The following NCALD variants were observed in gnomAD, a reference collection of about 807,000 sequenced individuals.
The protein encoded by NCALD is neurocalcin delta, also known as neurocalcin-delta.
In NCALD, 10 loss-of-function variants were observed where a neutral mutation model predicts 18.6. The observed-to-expected ratio is 0.54, with a 90% CI of 0.33 to 0.91. NCALD has a LOEUF of 0.91. NCALD is among the 40% of genes least tolerant of loss of function. The probability of loss-of-function intolerance (pLI) is 0.03; values close to 1 mark genes in which losing one functional copy is unlikely to be tolerated. For missense variants in NCALD, 184 were observed against 247.6 expected, an observed-to-expected ratio of 0.74 and a Z score of 1.72; for synonymous variants, 88 against 87.4, an observed-to-expected ratio of 1.01 and a Z score of -0.04.
chr8:102,087,078 G>A (rs1173732701), intron 1 of NCALD, among the ~76,000 whole-genome samples: 2 of 152,190 alleles, frequency 1.3e-5, no homozygotes, highest in Non-Finnish European at 2.9e-5. Flanking sequence ...GCAGCCCTCA[G>A]CGCTGCTCTG....
chr8:101,884,092 T>C (rs1216359351), intron 4 of NCALD, among the ~76,000 whole-genome samples: 2 of 152,348 alleles, frequency 1.3e-5, no homozygotes, highest in Non-Finnish European at 2.9e-5. Context: ...CCAGCAATAC[T>C]AGCTTTGGCT....
intron 1 of NCALD, among the ~76,000 whole-genome samples, chr8:102,081,186 T>C (rs985456510): frequency 3.9e-5 from 6 of 152,128 alleles, no homozygotes; most frequent in Admixed American, 3.3e-4. Flanking sequence ...CTTCTCTTAT[T>C]GTGAAAAACA....
At position 102,084,618 on chromosome 8, in the gene NCALD, A is replaced by T. The variant is rs1380323749; in HGVS notation, c.-210+39619T>A. 2.6e-5 allele frequency among the ~76,000 whole-genome samples: 4 copies of T among 152,142 alleles called. No individual in the cohort carries two copies. In the East Asian group the frequency reaches 7.7e-4, roughly 29 times the overall value. ...AGCACTTGGGAGGGGCGCCACACGC[A>T]ATGTGAAATTATACACAAGCTCACT... is the stretch of plus-strand genomic sequence containing the variant. On this transcript the variant is annotated intron_variant, in intron 1 of 6. Coordinates refer to the NCALD transcript ENST00000311028.
At chr8:101,912,487 T>A (rs1216366039) in intron 3 of NCALD, among the ~76,000 whole-genome samples, 1 of 152,236 alleles carries the variant, frequency 6.6e-6, no homozygotes, top group Non-Finnish European at 1.5e-5. Flanking sequence ...GACTCCTCCA[T>A]CTTCAGATAA....
At chr8:102,123,741 C>G (rs1826015423) in intron 1 of NCALD, 1 of 152,330 alleles carries the variant, frequency 6.6e-6, no homozygotes, top group Admixed American at 6.5e-5. Context: ...TCCCCAGACG[C>G]CCACGCCCCG....
At chr8:101,788,892 T>C (rs1459981227) in intron 1 of NCALD, 1 of 152,188 alleles carries the variant, frequency 6.6e-6, no homozygotes, top group Non-Finnish European at 1.5e-5. Flanking sequence ...TATTTTCCCA[T>C]AGGAAAAGAC....
chr8:102,111,827 T>C (rs536436902), intron 1 of NCALD, among the ~76,000 whole-genome samples: 8 of 152,278 alleles, frequency 5.3e-5, no homozygotes, highest in East Asian at 1.9e-4. Flanking sequence ...ACATAAATGA[T>C]ACATACATCT....
intron 2 of NCALD, among the ~76,000 whole-genome samples, chr8:101,709,936 A>G (rs753235081): frequency 2.0e-5 from 3 of 152,270 alleles, no homozygotes; most frequent in African/African-American, 4.8e-5. Context: ...AGCCTAAATC[A>G]TGTTCCTAAA....
chr8:101,802,899 C>CA (rs34519871), intron 4 of NCALD, among the ~76,000 whole-genome samples: 50,077 of 99,514 alleles, frequency 0.5, 13,248 homozygotes, highest in East Asian at 0.74. Flanking sequence ...TGCTGCTGCT[C>CA]AAAAAAAAAA....
intron 1 of NCALD, among the ~76,000 whole-genome samples, chr8:101,731,896 A>T (rs1816849169): frequency 6.6e-6 from 1 of 152,158 alleles, no homozygotes; most frequent in Non-Finnish European, 1.5e-5. Context: ...GCCTACAGAA[A>T]CTCCAAGGCT....
rs571642361 is a variant in NCALD, at chr8:101,847,912, C to T, written c.-20+39229G>A. Among the ~76,000 whole-genome samples the T allele has an allele frequency of 2.6e-5, 4 of 152,188 alleles. No homozygotes were observed. The East Asian group carries it at 5.8e-4, about 22-fold the overall frequency. ...AAGACAGTTTAACTTCAGGCATTTA[C>T]GCTCGTAAAAAACAGTGGCCCTTGA... is the stretch of plus-strand genomic sequence containing the variant. On this transcript the variant is annotated intron_variant, in intron 4 of 6. Transcript: ENST00000311028.
chr8:102,088,551 C>CG (rs1270185835), intron 1 of NCALD, among the ~76,000 whole-genome samples: 2 of 139,260 alleles, frequency 1.4e-5, no homozygotes, highest in East Asian at 2.0e-4. Context: ...ATCCTGTTTT[C>CG]GGGGAAAAAA....
intron 4 of NCALD, among the ~76,000 whole-genome samples, chr8:101,861,544 T>C (rs1408395442): frequency 3.3e-5 from 5 of 150,994 alleles, no homozygotes; most frequent in African/African-American, 9.8e-5. Context: ...ATATATGTGA[T>C]ATTAAAAAAA....
chr8:102,076,217 T>A (rs1432247899), intron 1 of NCALD, among the ~76,000 whole-genome samples: 1 of 152,186 alleles, frequency 6.6e-6, no homozygotes, highest in Non-Finnish European at 1.5e-5. Flanking sequence ...GTTATGAAGA[T>A]TTTCCCTCTT....
chr8:101,854,974 C>A (rs1396879476), intron 4 of NCALD, among the ~76,000 whole-genome samples: 4 of 152,088 alleles, frequency 2.6e-5, no homozygotes, highest in Non-Finnish European at 5.9e-5. Flanking sequence ...ACAAATATAG[C>A]AGCAAGGGCA....
At position 101,686,642 on chromosome 8, in the gene NCALD, T is replaced by C. The variant is rs1814485319; in HGVS notation, c.*2667A>G. 6.6e-6 allele frequency: 1 copy of C among 152,552 alleles called. No homozygotes were observed. The highest frequency in any genetic ancestry group is 2.4e-5 in the African/African-American group (1 of 41,410). The allele number at this position is 152,552 out of a possible 1,614,324, so 9.4% of individuals were successfully genotyped here. A position where few individuals can be genotyped will look rare whatever the true frequency, so the allele number is the denominator to read the frequency against. On this transcript the variant is annotated 3_prime_UTR_variant, in exon 4 of 4. Coordinates refer to ENST00000220931, the MANE Select transcript of NCALD (RefSeq NM_032041.3). ...GCTATGATTTATAAATTATATATTA[T>C]TAAATCCACCGTGGGCATACAGATG...
intron 1 of NCALD, among the ~76,000 whole-genome samples, chr8:101,750,331 G>T (rs1456507974): frequency 1.3e-5 from 2 of 152,150 alleles, no homozygotes; most frequent in African/African-American, 2.4e-5. Context: ...TAACCAAAAG[G>T]GTGGAAGAGG....
intron 1 of NCALD, among the ~76,000 whole-genome samples, chr8:101,727,595 C>T (rs772459515): frequency 6.6e-6 from 1 of 152,228 alleles, no homozygotes; most frequent in South Asian, 2.1e-4. Context: ...ATTCTCCTGC[C>T]TCAGCCTCCT....
At chr8:102,048,203 G>C (rs1422847108) in intron 1 of NCALD, among the ~76,000 whole-genome samples, 1 of 152,160 alleles carries the variant, frequency 6.6e-6, no homozygotes, top group East Asian at 1.9e-4. Context: ...AATCAAACTG[G>C]TGTGGAGGCT....
Sources: gnomAD v4.1 joint callset for allele counts (sites outside exome capture counted in the v4.1 genomes callset) on GRCh38, gnomAD v4.1.1 for gene constraint, MANE v1.5 for transcripts, NCBI Gene and HGNC (gene_info 2026-07-23, HGNC 2026-07-21) for gene names.